The following PTPN1 variants were observed in gnomAD, a reference collection of about 807,000 sequenced individuals.
PTPN1 encodes the protein protein tyrosine phosphatase non-receptor type 1.
PTPN1 carries 12 observed loss-of-function variants against 59.9 expected under a neutral mutation model. That is an observed-to-expected ratio of 0.20 (90% CI 0.13 to 0.32). PTPN1 has a LOEUF of 0.32. Among genes scored for constraint, PTPN1 ranks in the 10% least tolerant of loss-of-function variants. The pLI is 1.00. For missense variants in PTPN1, 356 were observed against 549.2 expected (o/e 0.65, Z 3.52); for synonymous variants, 178 against 203.6 (o/e 0.87, Z 1.07).
chr20:50,550,880 G>C (rs2082699391), intron 1 of PTPN1, among the ~76,000 whole-genome samples: 1 of 152,230 alleles, frequency 6.6e-6, no homozygotes, highest in South Asian at 2.1e-4. Flanking sequence ...CATTCACCCA[G>C]TTGTGGACCG....
chr20:50,581,206 A>C, intron 8 of PTPN1, 59 bp from the exon 9 acceptor site: 1 of 1,532,712 alleles, frequency 6.5e-7, no homozygotes, highest in Non-Finnish European at 8.8e-7. Flanking sequence ...CAATAGCAGC[A>C]TCCTTGCCAT....
chr20:50,581,512 C>A, intron 9 of PTPN1, 52 bp downstream of exon 9: 1 of 1,541,974 alleles, frequency 6.5e-7, no homozygotes, highest in Non-Finnish European at 8.8e-7. Flanking sequence ...GCAGAGAGCA[C>A]TGGCCGCTAG....
At chr20:50,573,665 TCC>T (rs2082821958) in intron 4 of PTPN1, 1 of 152,236 alleles carries the variant, frequency 6.6e-6, no homozygotes, top group South Asian at 2.1e-4. Flanking sequence ...CTTCCCTCTG[TCC>T]AGGCACATGG....
At position 50,526,486 on chromosome 20, in the gene PTPN1, T is replaced by C. The variant is rs1474107801; in HGVS notation, c.63+15896T>C. On this transcript the variant is annotated intron_variant, in intron 1 of 9. Coordinates refer to ENST00000371621, the MANE Select transcript of PTPN1 (RefSeq NM_002827.4). The stretch of plus-strand genomic sequence containing the variant: ...CAAGGCTTCTGTCACCCCTGGCCCA[T>C]GTCAGTGCATTTGGGCAGCCCACCC... 2.0e-5 allele frequency among the ~76,000 whole-genome samples: 3 copies of C among 152,248 alleles called. No homozygotes were observed. In the South Asian group the frequency reaches 6.2e-4, roughly 32 times the overall value.
intron 1 of PTPN1, among the ~76,000 whole-genome samples, chr20:50,527,931 G>A (rs1370071682): frequency 1.3e-5 from 2 of 151,980 alleles, no homozygotes; most frequent in Admixed American, 1.3e-4. Flanking sequence ...TAGCCCTTTT[G>A]TTCTTTTTGA....
intron 1 of PTPN1, among the ~76,000 whole-genome samples, chr20:50,539,599 G>C (rs1461472765): frequency 6.7e-6 from 1 of 149,186 alleles, no homozygotes; most frequent in Non-Finnish European, 1.5e-5. Flanking sequence ...AAGTGACTTA[G>C]GGTTTTTTGT....
intron 5 of PTPN1, chr20:50,577,735 ACT>A (rs1237103320): frequency 1.3e-5 from 2 of 152,254 alleles, no homozygotes; most frequent in African/African-American, 4.8e-5. Context: ...CTCAGCATGG[ACT>A]CTCTGCCTCC....
At chr20:50,550,650 C>A (rs190284158) in intron 1 of PTPN1, among the ~76,000 whole-genome samples, 1 of 152,210 alleles carries the variant, frequency 6.6e-6, no homozygotes, top group African/African-American at 2.4e-5. Context: ...AAGGACACTT[C>A]AAGCTTTGGG....
At chr20:50,535,854 A>T (rs984358173) in intron 1 of PTPN1, among the ~76,000 whole-genome samples, 7 of 152,040 alleles carry the variant, frequency 4.6e-5, no homozygotes, top group African/African-American at 1.7e-4. Flanking sequence ...TAATTAAACC[A>T]TATGTACTGG....
In PTPN1 at chr20:50,579,194, C is replaced by T. The variant is rs748354118; in HGVS notation, c.729C>T (p.Ser243=). The change falls in exon 7 of 10, where the codon TCC becomes TCT. Residue 243 remains serine (S), a synonymous_variant. Transcript: ENST00000371621. Reference sequence around the variant, plus strand: ...TGGACAAGAGGAAAGACCCTTCTTCCGTTGATATCAAGAAAGTGCTGTTAG... The same window carrying T: ...TGGACAAGAGGAAAGACCCTTCTTCTGTTGATATCAAGAAAGTGCTGTTAG... ...LLMDKRKDPS[S]VDIKKVLLEM... The T allele has an allele frequency of 9.9e-6, 16 of 1,614,178 alleles. No individual in the cohort carries two copies. The highest frequency in any genetic ancestry group is 1.6e-4 in the Middle Eastern group (1 of 6,062).
chr20:50,510,594 C>A lies in PTPN1; in HGVS notation c.63+4C>A. ...GAGCTGGGCGGCCATTTACCAGGTG[C>A]GGGAGCGCCCCGGAGCGTGGCGGGC... On this transcript the variant is annotated splice_donor_region_variant and intron_variant, in intron 1 of 9. Transcript: ENST00000371621. 6.5e-7 allele frequency: 1 copy of A among 1,549,420 alleles called. No individual in the cohort carries two copies.
At chr20:50,517,398 G>C (rs1038452417) in intron 1 of PTPN1, among the ~76,000 whole-genome samples, 16 of 152,084 alleles carry the variant, frequency 1.1e-4, no homozygotes. Flanking sequence ...GAGACTACAG[G>C]CATGTGCCAT....
chr20:50,577,635 C>T (rs1321227467), intron 5 of PTPN1: 1 of 152,290 alleles, frequency 6.6e-6, no homozygotes, highest in Non-Finnish European at 1.5e-5. Flanking sequence ...CAGGCCATTG[C>T]TTCTGTTCCT....
intron 1 of PTPN1, among the ~76,000 whole-genome samples, chr20:50,534,694 C>T (rs1171237003): frequency 1.3e-5 from 2 of 152,118 alleles, no homozygotes; most frequent in Non-Finnish European, 2.9e-5. Flanking sequence ...CTCTGACATC[C>T]AGTTGACTGC....
At chr20:50,525,736 A>ATTT (rs952683737) in intron 1 of PTPN1, among the ~76,000 whole-genome samples, 7 of 151,568 alleles carry the variant, frequency 4.6e-5, no homozygotes, top group African/African-American at 1.5e-4. Flanking sequence ...TATTTTGACT[A>ATTT]TTTTTTTGAA....
Position 50,579,886 on chromosome 20 carries a change from A to G in PTPN1, c.1048A>G (p.Lys350Glu), listed in dbSNP as rs1186030764. 2 of 1,614,150 alleles carry G rather than the reference A, an allele frequency of 1.2e-6. No individual in the cohort carries two copies. The highest frequency in any genetic ancestry group is 2.2e-5 in the East Asian group (1 of 44,888). ...EDKDCPIKEE[K>E]GSPLNAAPYG... is the part of the protein sequence containing the mutation. ...TAAAGACTGCCCCATCAAGGAAGAA[A>G]AAGGAAGCCCCTTAAATGCCGCACC... The change falls in exon 8 of 10, where the codon AAA becomes GAA. Residue 350 changes from lysine to glutamate, a missense_variant. Coordinates refer to ENST00000371621, the MANE Select transcript of PTPN1 (RefSeq NM_002827.4).
Position 50,543,876 on chromosome 20 carries a change from C to T in PTPN1, c.64-17487C>T, listed in dbSNP as rs971317646. Reference sequence around the variant, plus strand: ...ACTTTTTTTTTTTGAGACAGAGTCTCACTCTGTCACCCAGGCTGGAGTGCA... The same window carrying T: ...ACTTTTTTTTTTTGAGACAGAGTCTTACTCTGTCACCCAGGCTGGAGTGCA... On this transcript the variant is annotated intron_variant, in intron 1 of 9. Coordinates refer to ENST00000371621, the MANE Select transcript of PTPN1 (RefSeq NM_002827.4). 2.0e-5 allele frequency among the ~76,000 whole-genome samples: 3 copies of T among 152,112 alleles called. No homozygotes were observed. The South Asian group carries it at 6.2e-4, about 32-fold the overall frequency.
chr20:50,581,170 C>A, intron 8 of PTPN1, 95 bp from the exon 9 acceptor site: 1 of 1,489,768 alleles, frequency 6.7e-7, no homozygotes, highest in Non-Finnish European at 9.0e-7. Context: ...CTACACGTGG[C>A]TTGTTTTTTC....
rs889397863 is a variant in PTPN1 at position 50,584,699 on chromosome 20, G to A, written c.*1984G>A. 2 of 152,032 alleles carry A rather than the reference G, an allele frequency of 1.3e-5. No homozygotes were observed. Among genetic ancestry groups the A allele is most frequent in the African/African-American group, 2.4e-5 (1 of 41,376 alleles). The allele number at this position is 152,032 out of a possible 1,614,324, so 9.4% of individuals were successfully genotyped here. A position where few individuals can be genotyped will look rare whatever the true frequency, so the allele number is the denominator to read the frequency against. The stretch of plus-strand genomic sequence containing the variant: ...GTCAGACTGTACAGTTTTCCAACTT[G>A]CCATATTCATGATGGGTTTGCATTT... On this transcript the variant is annotated 3_prime_UTR_variant, in exon 10 of 10. Transcript: ENST00000371621.
Sources: gnomAD v4.1 joint callset for allele counts (sites outside exome capture counted in the v4.1 genomes callset) on GRCh38, gnomAD v4.1.1 for gene constraint, MANE v1.5 for transcripts, NCBI Gene and HGNC (gene_info 2026-07-23, HGNC 2026-07-21) for gene names.